CCDC136: variants seen among roughly 807,000 people sequenced by gnomAD.
CCDC136 encodes the protein coiled-coil domain containing 136, also known as coiled-coil domain-containing protein 136.
A neutral mutation model predicts 141.2 loss-of-function variants in CCDC136; 100 were observed. The ratio of observed to expected loss-of-function variants is 0.71; its 90% confidence interval spans 0.60 to 0.84. The LOEUF (loss-of-function observed/expected upper bound fraction) is 0.84, where lower values mean the gene tolerates loss of function less well. CCDC136 is among the 40% of genes least tolerant of loss of function. CCDC136 has a pLI of 0.00. For synonymous variants in CCDC136, 474 were observed against 531.9 expected (o/e 0.89, Z 1.50); for missense variants, 1,206 against 1,379.4 (o/e 0.87, Z 1.99).
intron 11 of CCDC136, among the ~76,000 whole-genome samples, 162 bp downstream of exon 11, chr7:128,809,806 A>C (rs1006699810): frequency 6.6e-6 from 1 of 152,214 alleles, no homozygotes; most frequent in South Asian, 2.1e-4. Flanking sequence ...CCATAGAGCC[A>C]ATTAGAGTTT....
intron 12 of CCDC136, chr7:128,811,468 T>C (rs1805701087): frequency 2.3e-6 from 1 of 433,228 alleles, no homozygotes; most frequent in Non-Finnish European, 4.6e-6. Flanking sequence ...TATACCTGAC[T>C]GAGAAGAGGG....
chr7:128,817,743 T>G lies in CCDC136; in HGVS notation c.3364-15T>G, dbSNP rs1806854369. The G allele has an allele frequency of 1.3e-6, 2 of 1,569,176 alleles. No homozygotes were observed. Among genetic ancestry groups the G allele is most frequent in the Admixed American group, 3.3e-5 (2 of 59,960 alleles). On this transcript the variant is annotated splice_polypyrimidine_tract_variant and intron_variant, in intron 16 of 17. Coordinates refer to ENST00000297788, the MANE Select transcript of CCDC136 (RefSeq NM_022742.5). This position sits in a 1 kb window ranked among gnomAD's most constrained non-coding sequence, Gnocchi z 4.6. ...GTCTCTCCTCGTGCTTCTTTCTCAT[T>G]TTGGTGTGTTGCAGTCATCCCCTAC...
At position 128,809,446 on chromosome 7, in the gene CCDC136, A is replaced by G; in HGVS notation, c.1606-4A>G. On this transcript the variant is annotated splice_polypyrimidine_tract_variant and splice_region_variant and intron_variant, in intron 10 of 17. Coordinates refer to ENST00000297788, the MANE Select transcript of CCDC136 (RefSeq NM_022742.5). ...ACCCCCTCCACACCCGCCCCCACCC[A>G]CAGTGTGACACACTGCTGTCCAGAC... 2 of 859,196 alleles carry G rather than the reference A, an allele frequency of 2.3e-6. No homozygotes were observed. The highest frequency in any genetic ancestry group is 1.7e-6 in the Non-Finnish European group (1 of 593,390). 53.2% of individuals were successfully genotyped at this position (859,196 alleles called of 1,614,324 possible).
At chr7:128,804,791 A>G (rs1804577335) in intron 5 of CCDC136, 30 bp downstream of exon 5, 1 of 1,403,606 alleles carries the variant, frequency 7.1e-7, no homozygotes, top group Non-Finnish European at 9.9e-7. Flanking sequence ...GTGAGAGGTC[A>G]TGGGGTTCCA....
Position 128,814,926 on chromosome 7 carries a change from A to G in CCDC136, c.3045+7A>G, listed in dbSNP as rs777050961. On this transcript the variant is annotated splice_region_variant and intron_variant, in intron 15 of 17. Transcript: ENST00000297788. ...CGACCTTGAGACCAGAAAGGTGAGTAGTAACCTTGGTAGCCAGATAAGCAG... is the reference window on the plus strand; with the variant it reads ...CGACCTTGAGACCAGAAAGGTGAGTGGTAACCTTGGTAGCCAGATAAGCAG... 3 of 1,569,082 alleles carry G rather than the reference A, an allele frequency of 1.9e-6. No homozygotes were observed. Among genetic ancestry groups the G allele is most frequent in the Non-Finnish European group, 2.6e-6 (3 of 1,155,174 alleles).
intron 3 of CCDC136, among the ~76,000 whole-genome samples, chr7:128,799,071 C>T (rs1803561289): frequency 6.7e-6 from 1 of 150,172 alleles, no homozygotes; most frequent in Admixed American, 6.7e-5. Flanking sequence ...TGTGGTGGCT[C>T]ATGCCTGTAA....
chr7:128,797,022 T>C (rs1803132783), intron 3 of CCDC136, among the ~76,000 whole-genome samples: 1 of 152,038 alleles, frequency 6.6e-6, no homozygotes, highest in Non-Finnish European at 1.5e-5. Flanking sequence ...ATTACAGGCG[T>C]GAGCCACCGC....
intron 3 of CCDC136, among the ~76,000 whole-genome samples, chr7:128,800,012 A>G (rs114793318): frequency 1.1e-3 from 170 of 152,340 alleles, no homozygotes; most frequent in African/African-American, 3.9e-3. Context: ...TATGATATGT[A>G]AAGTAAAAAC....
Position 128,806,716 on chromosome 7 carries a change from A to G in CCDC136, c.1277A>G (p.His426Arg), listed in dbSNP as rs1292874075. The G allele has an allele frequency of 6.2e-7, 1 of 1,610,928 alleles. No homozygotes were observed. The change falls in exon 9 of 18, where the codon CAC (histidine) becomes CGC (arginine). Residue 426 changes from histidine to arginine, a missense_variant. Physicochemically the swap from His to Arg is conservative, Grantham distance 29. Transcript: ENST00000297788. ...KELLCRLQKL[H>R]LQHQNVTCEK... is the part of the protein sequence containing the mutation. ...TTACTGTGCCGGCTGCAGAAGCTGC[A>G]CCTCCAGCACCAGAACGTCACATGT...
chr7:128,815,641 G>T lies in CCDC136; in HGVS notation c.3073G>T (p.Ala1025Ser), dbSNP rs1357298594. 7.7e-6 allele frequency: 12 copies of T among 1,556,184 alleles called. No homozygotes were observed. The highest frequency in any genetic ancestry group is 1.0e-5 in the Non-Finnish European group (12 of 1,149,650). The change falls in exon 16 of 18, where the codon GCC (alanine) becomes TCC (serine). Residue 1025 changes from alanine (A) to serine (S), a missense_variant. By Grantham distance (99) the Ala-to-Ser change is moderately conservative. Coordinates refer to ENST00000297788, the MANE Select transcript of CCDC136 (RefSeq NM_022742.5). ...TCTGGAGGTAGTGCTGTACTACAAG[G>T]CCAGCCAGAGGAAATTAGATGGACT... ...KSLEVVLYYK[A>S]SQRKLDGLAK...
chr7:128,811,599 G>A (rs943616674), intron 12 of CCDC136, among the ~76,000 whole-genome samples: 1 of 152,150 alleles, frequency 6.6e-6, no homozygotes, highest in Admixed American at 6.5e-5. Context: ...TATCTGCCCT[G>A]GGGAGATTTT....
chr7:128,791,451 C>A, upstream of CCDC136: 1 of 1,297,624 alleles, frequency 7.7e-7, no homozygotes, highest in Non-Finnish European at 9.8e-7. The surrounding 1 kb of genome is among the most constrained non-coding windows in gnomAD (Gnocchi z 7.1). Flanking sequence ...CTCGCGGCTG[C>A]GGCTTCTGCT....
chr7:128,820,129 G>A (rs1562982248), intron 17 of CCDC136, among the ~76,000 whole-genome samples: 1 of 152,144 alleles, frequency 6.6e-6, no homozygotes, highest in Non-Finnish European at 1.5e-5. Flanking sequence ...ATCATCTACA[G>A]GGGTGGCAAG....
intron 3 of CCDC136, among the ~76,000 whole-genome samples, chr7:128,798,516 T>G (rs1277046476): frequency 2.0e-5 from 3 of 151,986 alleles, no homozygotes; most frequent in Non-Finnish European, 4.4e-5. Flanking sequence ...CCTCCCAAAG[T>G]GCTGGGATTA....
chr7:128,798,763 C>A (rs1326882056), intron 3 of CCDC136, among the ~76,000 whole-genome samples: 1 of 152,124 alleles, frequency 6.6e-6, no homozygotes, highest in Non-Finnish European at 1.5e-5. Flanking sequence ...GCGGACTTTT[C>A]TTCCAATAGG....
Position 128,794,266 on chromosome 7 carries a change from G to T in CCDC136, c.17-82G>T, listed in dbSNP as rs1802618259. The stretch of plus-strand genomic sequence containing the variant: ...GCACTAGTATGTCATCTCTGCCCTG[G>T]CATAGTGAGTTTGAGGGCCCTGGAA... On this transcript the variant is annotated intron_variant, in intron 1 of 17. Coordinates refer to ENST00000297788, the MANE Select transcript of CCDC136 (RefSeq NM_022742.5). The surrounding 1 kb of genome is among the most constrained non-coding windows in gnomAD (Gnocchi z 4.3). The T allele has an allele frequency of 6.5e-7, 1 of 1,543,384 alleles. No individual in the cohort carries two copies. The highest frequency in any genetic ancestry group is 8.8e-7 in the Non-Finnish European group (1 of 1,140,852).
intron 12 of CCDC136, 122 bp downstream of exon 12, chr7:128,810,488 A>G (rs1805552919): frequency 1.5e-6 from 1 of 673,468 alleles, no homozygotes. Context: ...GGATAAGGCA[A>G]AAGCCCTGCC....
Position 128,806,836 on chromosome 7 carries a change from C to G in CCDC136, c.1397C>G (p.Ser466Cys). 6.2e-7 allele frequency: 1 copy of G among 1,608,412 alleles called. No individual in the cohort carries two copies. Among genetic ancestry groups the G allele is most frequent in the South Asian group, 1.1e-5 (1 of 90,584 alleles). Residue 466 changes from serine to cysteine, a missense_variant, in exon 9 of 18, where the codon TCC (serine) becomes TGC (cysteine). By Grantham distance (112) the Ser-to-Cys change is moderately radical. Transcript: ENST00000297788. ...ELQHLRDTVA[S>C]FKESNEKDTE... is the part of the protein sequence containing the mutation. ...CAGCACCTCAGGGATACGGTGGCCT[C>G]CTTCAAAGAGAGCAATGAGAAGGTA...
rs1226498276 is a variant in CCDC136 at position 128,822,099 on chromosome 7, G to GAACCTTGTGTAA, written c.*306_*307insAACCTTGTGTAA. The GAACCTTGTGTAA allele has an allele frequency of 8.5e-7, 1 of 1,180,388 alleles. No individual in the cohort carries two copies. The highest frequency in any genetic ancestry group is 1.1e-6 in the Non-Finnish European group (1 of 936,510). 73.1% of individuals were successfully genotyped at this position (1,180,388 alleles called of 1,614,324 possible). On this transcript the variant is annotated 3_prime_UTR_variant, in exon 18 of 18. Coordinates refer to ENST00000297788, the MANE Select transcript of CCDC136 (RefSeq NM_022742.5). ...TCTCCTGCCTTGTGTAAGAACCTGAGTTCCTTGTAATTAAATATCAACTGA... is the reference window on the plus strand; with the variant it reads ...TCTCCTGCCTTGTGTAAGAACCTGAGAACCTTGTGTAATTCCTTGTAATTAAATATCAACTGA...
Sources: gnomAD v4.1 joint callset for allele counts (sites outside exome capture counted in the v4.1 genomes callset) on GRCh38, gnomAD v4.1.1 for gene constraint, Gnocchi (gnomAD v3.1) non-coding constraint, MANE v1.5 for transcripts, NCBI Gene and HGNC (gene_info 2026-07-23, HGNC 2026-07-21) for gene names.